SNTG1: variants seen among roughly 807,000 people sequenced by gnomAD.
SNTG1 encodes the protein syntrophin gamma 1.
SNTG1 carries 39 observed loss-of-function variants against 74.7 expected under a neutral mutation model. The ratio of observed to expected loss-of-function variants is 0.52; its 90% CI spans 0.40 to 0.68. The LOEUF is 0.68. Among genes scored for constraint, SNTG1 ranks in the 30% least tolerant of loss-of-function variants. The probability of loss-of-function intolerance (pLI) is 0.00; values close to 1 mark genes in which losing one functional copy is unlikely to be tolerated. For synonymous variants in SNTG1, 254 were observed against 217.1 expected (o/e 1.17, Z -1.49); for missense variants, 685 against 609.5 (o/e 1.12, Z -1.30).
chr8:50,333,475 T>C (rs946274212), intron 2 of SNTG1, among the ~76,000 whole-genome samples: 4 of 152,242 alleles, frequency 2.6e-5, no homozygotes, highest in Non-Finnish European at 5.9e-5. Context: ...GAATAACTGG[T>C]ACCATGTTTA....
chr8:50,583,921 G>A (rs561819430), intron 12 of SNTG1, among the ~76,000 whole-genome samples: 3 of 151,324 alleles, frequency 2.0e-5, no homozygotes, highest in Non-Finnish European at 2.9e-5. Context: ...ATCCCTCCCC[G>A]CTCCCTCCAC....
At chr8:49,934,891 T>A (rs1198748673) in intron 1 of SNTG1, among the ~76,000 whole-genome samples, 2 of 151,034 alleles carry the variant, frequency 1.3e-5, no homozygotes, top group Non-Finnish European at 2.9e-5. Flanking sequence ...GAAAAAAAAA[T>A]GCTGAAACAA....
rs117297151 is a variant in SNTG1 at position 50,126,316 on chromosome 8, G to C, written c.-102-46245G>C. ...CAGGCTGTGTAGGTTGTGCCAGGCT[G>C]TATAGTTTTATGAGACTATTCACAT... On this transcript the variant is annotated intron_variant, in intron 1 of 18. Coordinates refer to ENST00000642720, the MANE Select transcript of SNTG1 (RefSeq NM_018967.5). Among the ~76,000 whole-genome samples, 518 of 152,230 alleles carry C rather than the reference G, an allele frequency of 3.4e-3. 9 individuals are homozygous for C. The South Asian group carries it at 0.039, about 11-fold the overall frequency.
At chr8:50,305,337 G>A (rs1157324852) in intron 2 of SNTG1, among the ~76,000 whole-genome samples, 3 of 151,866 alleles carry the variant, frequency 2.0e-5, no homozygotes, top group African/African-American at 4.8e-5. Context: ...TTTTGCTCGG[G>A]TGATAAAACA....
At chr8:50,691,914 A>G (rs923103575) in intron 15 of SNTG1, among the ~76,000 whole-genome samples, 1 of 152,124 alleles carries the variant, frequency 6.6e-6, no homozygotes, top group African/African-American at 2.4e-5. Flanking sequence ...GTCTTTTCAC[A>G]TAGTCCCATG....
intron 1 of SNTG1, among the ~76,000 whole-genome samples, chr8:50,161,567 A>AGTGTGTGGTGCATGTGTT (rs1321909401): frequency 1.3e-5 from 2 of 152,038 alleles, no homozygotes; most frequent in Non-Finnish European, 2.9e-5. Flanking sequence ...AGGACCTGAT[A>AGTGTGTGGTGCATGTGTT]GTGTGTGGTG....
At chr8:50,424,530 A>G (rs920227866) in intron 4 of SNTG1, among the ~76,000 whole-genome samples, 2 of 152,308 alleles carry the variant, frequency 1.3e-5, no homozygotes, top group African/African-American at 4.8e-5. Context: ...GAGTTAGGAA[A>G]CAGATCCTAC....
At position 50,776,868 on chromosome 8, in the gene SNTG1, T is replaced by C. The variant is rs570672625; in HGVS notation, c.1396-15803T>C. 1.0e-3 allele frequency among the ~76,000 whole-genome samples: 158 copies of C among 152,112 alleles called. 1 individual carries two copies. Among genetic ancestry groups the C allele is most frequent in the African/African-American group, 3.7e-3 (152 of 41,568 alleles). On this transcript the variant is annotated intron_variant, in intron 18 of 18. Coordinates refer to ENST00000642720, the MANE Select transcript of SNTG1 (RefSeq NM_018967.5). Reference sequence around the variant, plus strand: ...ATTTTGCTGGATATAGGATTCAGGATTGACAGTTCTTTTCTTTCAGCAGTT... The same window carrying C: ...ATTTTGCTGGATATAGGATTCAGGACTGACAGTTCTTTTCTTTCAGCAGTT...
intron 12 of SNTG1, among the ~76,000 whole-genome samples, chr8:50,574,454 A>G (rs1023730880): frequency 2.0e-5 from 3 of 152,132 alleles, no homozygotes; most frequent in African/African-American, 7.2e-5. Flanking sequence ...TAAAGTGCAG[A>G]AAAACATTAA....
chr8:50,094,978 T>C (rs1010492846), intron 1 of SNTG1, among the ~76,000 whole-genome samples: 4 of 152,160 alleles, frequency 2.6e-5, no homozygotes, highest in Non-Finnish European at 4.4e-5. Flanking sequence ...TACATAGCCA[T>C]AGAAAAGAAG....
At chr8:50,148,977 A>G (rs2081969752) in intron 1 of SNTG1, among the ~76,000 whole-genome samples, 1 of 152,148 alleles carries the variant, frequency 6.6e-6, no homozygotes, top group South Asian at 2.1e-4. Flanking sequence ...TCGCCACACC[A>G]ACTTCCACAA....
rs186767328 is a variant in SNTG1, at chr8:50,498,510, C to A, written c.364-4268C>A. 4.0e-5 allele frequency among the ~76,000 whole-genome samples: 6 copies of A among 151,848 alleles called. No individual in the cohort carries two copies. The East Asian group carries it at 1.2e-3, about 29-fold the overall frequency. The stretch of plus-strand genomic sequence containing the variant: ...CATATTCCAAGTATATATTATTTAT[C>A]AGAAAAAGATTTACAAATATTTTCT... On this transcript the variant is annotated intron_variant, in intron 8 of 18. Transcript: ENST00000642720.
intron 2 of SNTG1, among the ~76,000 whole-genome samples, chr8:50,365,321 A>G (rs1230269034): frequency 6.6e-6 from 1 of 152,148 alleles, no homozygotes; most frequent in Non-Finnish European, 1.5e-5. Flanking sequence ...ATAGACCTCT[A>G]AGGCAAAAGC....
intron 1 of SNTG1, among the ~76,000 whole-genome samples, chr8:49,988,179 C>G (rs1813349978): frequency 6.6e-6 from 1 of 151,856 alleles, no homozygotes; most frequent in Admixed American, 6.6e-5. Context: ...CAACAAAATG[C>G]CTTGGGATAA....
At chr8:50,026,277 T>C (rs1817255512) in intron 1 of SNTG1, among the ~76,000 whole-genome samples, 1 of 152,144 alleles carries the variant, frequency 6.6e-6, no homozygotes, top group Non-Finnish European at 1.5e-5. Context: ...GTGCAGAGGG[T>C]AGTGGTTGAC....
chr8:50,620,745 T>C (rs973882398), intron 13 of SNTG1, among the ~76,000 whole-genome samples: 2 of 152,158 alleles, frequency 1.3e-5, no homozygotes, highest in African/African-American at 4.8e-5. Context: ...CTTTTGCTTG[T>C]ATATTAAATA....
intron 5 of SNTG1, among the ~76,000 whole-genome samples, chr8:50,449,388 C>G (rs1421634520): frequency 6.6e-6 from 1 of 152,160 alleles, no homozygotes; most frequent in Admixed American, 6.5e-5. Context: ...GATAGCATTG[C>G]TACACATTGA....
At chr8:49,982,603 CA>C (rs33971834) in intron 1 of SNTG1, among the ~76,000 whole-genome samples, 48 of 126,292 alleles carry the variant, frequency 3.8e-4, no homozygotes, top group Non-Finnish European at 3.3e-4. Context: ...GAGGCTGAAG[CA>C]AAAAAAAAAA....
chr8:50,484,137 C>CCTTCT (rs2093766134), intron 8 of SNTG1, among the ~76,000 whole-genome samples: 7 of 55,868 alleles, frequency 1.3e-4, no homozygotes, highest in Non-Finnish European at 2.5e-4. Flanking sequence ...TCTTTCTTTC[C>CCTTCT]TTCTTTCTTT....
Sources: gnomAD v4.1 joint callset for allele counts (sites outside exome capture counted in the v4.1 genomes callset) on GRCh38, gnomAD v4.1.1 for gene constraint, MANE v1.5 for transcripts, NCBI Gene and HGNC (gene_info 2026-07-23, HGNC 2026-07-21) for gene names.